DNAH6: variants seen among roughly 807,000 people sequenced by gnomAD.
The protein encoded by DNAH6 is dynein axonemal heavy chain 6, also known as axonemal beta dynein heavy chain 6.
In DNAH6, 340 loss-of-function variants were observed where a neutral mutation model predicts 491.4. That is an observed-to-expected ratio of 0.69 (90% CI 0.63 to 0.76). DNAH6 has a LOEUF of 0.76. Ranked by LOEUF, DNAH6 falls within the 30% of genes least tolerant of loss-of-function variation. The pLI is 0.00. For missense variants in DNAH6, 4,443 were observed against 4,972.2 expected, an observed-to-expected ratio of 0.89 and a Z score of 3.20; for synonymous variants, 1,603 against 1,686.1, an observed-to-expected ratio of 0.95 and a Z score of 1.21.
chr2:84,681,806 A>G (rs1485908576), intron 42 of DNAH6, among the ~76,000 whole-genome samples: 4 of 151,520 alleles, frequency 2.6e-5, no homozygotes, highest in Non-Finnish European at 5.9e-5. Context: ...CTCCCAGACA[A>G]CTTGCATCTT....
intron 56 of DNAH6, 112 bp downstream of exon 56, chr2:84,710,524 C>A: frequency 9.3e-7 from 1 of 1,071,740 alleles, no homozygotes; most frequent in Non-Finnish European, 1.4e-6. Flanking sequence ...ACTCCATTTT[C>A]AAATTGGTCA....
At chr2:84,808,636 T>C in intron 72 of DNAH6, 94 bp downstream of exon 72, 1 of 1,319,404 alleles carries the variant, frequency 7.6e-7, no homozygotes, top group Non-Finnish European at 1.1e-6. Context: ...CACTTCAGCA[T>C]TTCCATTTGG....
At chr2:84,815,159 C>T (rs1009593106) in intron 75 of DNAH6, among the ~76,000 whole-genome samples, 2 of 152,152 alleles carry the variant, frequency 1.3e-5, no homozygotes, top group African/African-American at 4.8e-5. Context: ...CCTGCTGCAC[C>T]CAAGAAACAG....
chr2:84,508,022 A>T, the DNAH6 span, among the ~76,000 whole-genome samples: 50 of 152,288 alleles, frequency 3.3e-4, no homozygotes, highest in African/African-American at 9.9e-4. Flanking sequence ...ATTGGTCTAA[A>T]ATTCTCTTTT....
intron 58 of DNAH6, among the ~76,000 whole-genome samples, chr2:84,717,953 G>A (rs991897698): frequency 1.2e-4 from 19 of 152,170 alleles, no homozygotes; most frequent in Non-Finnish European, 2.2e-4. Flanking sequence ...TGAGCAGAAG[G>A]TGTGGGAACT....
At chr2:84,727,414 C>G (rs76437749) in intron 60 of DNAH6, among the ~76,000 whole-genome samples, 22,097 of 151,942 alleles carry the variant, frequency 0.15, 1,835 homozygotes, top group African/African-American at 0.22. Flanking sequence ...TATAATGAAA[C>G]CAATTTTTTT....
chr2:84,777,066 AGG>A (rs1401240077), intron 64 of DNAH6, among the ~76,000 whole-genome samples: 1 of 152,188 alleles, frequency 6.6e-6, no homozygotes, highest in Non-Finnish European at 1.5e-5. Flanking sequence ...GAACACAGGA[AGG>A]GAAACATCAC....
chr2:84,665,315 GT>G (rs899855741), intron 37 of DNAH6, among the ~76,000 whole-genome samples: 1 of 151,992 alleles, frequency 6.6e-6, no homozygotes, highest in African/African-American at 2.4e-5. Flanking sequence ...CCAGGAGCTG[GT>G]TTTTTTAAAA....
intron 4 of DNAH6, 82 bp downstream of exon 4, chr2:84,529,248 AT>A: frequency 2.9e-6 from 3 of 1,022,140 alleles, no homozygotes; most frequent in Non-Finnish European, 4.1e-6. Context: ...TTGGATATTA[AT>A]AATAACAATA....
the DNAH6 span, among the ~76,000 whole-genome samples, chr2:84,488,757 C>T: frequency 3.3e-5 from 5 of 152,306 alleles, no homozygotes; most frequent in Admixed American, 3.3e-4. Flanking sequence ...TGTAAGGAGA[C>T]ATATTTACAC....
At chr2:84,772,582 A>G (rs1573764103) in intron 64 of DNAH6, among the ~76,000 whole-genome samples, 1 of 152,118 alleles carries the variant, frequency 6.6e-6, no homozygotes, top group Non-Finnish European at 1.5e-5. Context: ...TGATAAGACA[A>G]TCATCAAAAA....
At chr2:84,717,688 A>C (rs1184922726) in intron 58 of DNAH6, among the ~76,000 whole-genome samples, 1 of 152,244 alleles carries the variant, frequency 6.6e-6, no homozygotes, top group Non-Finnish European at 1.5e-5. Flanking sequence ...AAATTATGAG[A>C]GAACAAGTGA....
At chr2:84,800,147 T>C (rs1192391) in intron 70 of DNAH6, among the ~76,000 whole-genome samples, 34,222 of 152,002 alleles carry the variant, frequency 0.23, 4,602 homozygotes, top group African/African-American at 0.39. Flanking sequence ...AAAGAACCCA[T>C]ATAGAGCCTT....
intron 60 of DNAH6, 100 bp from the exon 61 acceptor site, chr2:84,727,569 T>A: frequency 4.3e-6 from 3 of 698,174 alleles, no homozygotes; most frequent in Non-Finnish European, 7.5e-6. Flanking sequence ...TCTCCCATGC[T>A]GCCATTTACT....
chr2:84,544,610 T>C (rs1054276650), intron 5 of DNAH6, 110 bp downstream of exon 5: 54 of 669,944 alleles, frequency 8.1e-5, no homozygotes, highest in Non-Finnish European at 1.3e-4. Context: ...TTTATATTCT[T>C]AAGAGAATTC....
At chr2:84,653,009 A>G (rs543547141) in intron 33 of DNAH6, among the ~76,000 whole-genome samples, 5 of 152,102 alleles carry the variant, frequency 3.3e-5, no homozygotes, top group African/African-American at 9.6e-5. Flanking sequence ...ATCACCTTCT[A>G]TATGTTTGGT....
At chr2:84,634,913 G>GGCAGTGAAGGTTGGGACCAAGTCTCT (rs1278692934) in intron 30 of DNAH6, among the ~76,000 whole-genome samples, 5 of 152,264 alleles carry the variant, frequency 3.3e-5, no homozygotes, top group Middle Eastern at 3.4e-3. Context: ...AGAAGCTGAT[G>GGCAGTGAAGGTTGGGACCAAGTCTCT]GCAGTGAAGG....
chr2:84,495,351 C>T, the DNAH6 span, among the ~76,000 whole-genome samples: 2 of 152,200 alleles, frequency 1.3e-5, no homozygotes, highest in Admixed American at 6.5e-5. Context: ...TTAGTAGAGA[C>T]AGGGTTTCAC....
At chr2:84,671,645 C>G (rs968560407) in intron 39 of DNAH6, among the ~76,000 whole-genome samples, 8 of 152,190 alleles carry the variant, frequency 5.3e-5, no homozygotes, top group African/African-American at 1.7e-4. Flanking sequence ...TTCCTTACCC[C>G]CCACCCCTTC....
Sources: allele counts gnomAD v4.1 joint callset (sites outside exome capture counted in the v4.1 genomes callset), GRCh38; gene constraint gnomAD v4.1.1; transcripts MANE v1.5; gene names NCBI Gene and HGNC (gene_info 2026-07-23, HGNC 2026-07-21).